The following CDH18 variants were observed in gnomAD, a reference collection of about 807,000 sequenced individuals.
CDH18 encodes cadherin-18.
Under a neutral mutation model 67.9 loss-of-function variants are expected in CDH18, and 31 were observed. The observed-to-expected ratio is 0.46, with a 90% CI of 0.34 to 0.62. CDH18 has a LOEUF of 0.62. Ranked by LOEUF, CDH18 falls within the 20% of genes least tolerant of loss-of-function variation. CDH18 has a pLI of 0.01. For missense variants in CDH18, 890 were observed against 975.5 expected (o/e 0.91, Z 1.17); for synonymous variants, 362 against 347.2 (o/e 1.04, Z -0.48).
chr5:20,313,261 C>A (rs1737157251), intron 1 of CDH18, among the ~76,000 whole-genome samples: 1 of 151,898 alleles, frequency 6.6e-6, no homozygotes, highest in African/African-American at 2.4e-5. Flanking sequence ...GAACAAAAAC[C>A]TTTTATTCTT....
intron 11 of CDH18, among the ~76,000 whole-genome samples, chr5:19,493,884 C>A (rs1460305097): frequency 2.0e-5 from 3 of 151,914 alleles, no homozygotes; most frequent in Non-Finnish European, 4.4e-5. Context: ...AACTTTTTGC[C>A]AAATGAATTT....
At chr5:20,068,035 T>C (rs888515748) in intron 2 of CDH18, among the ~76,000 whole-genome samples, 1 of 152,038 alleles carries the variant, frequency 6.6e-6, no homozygotes, top group Non-Finnish European at 1.5e-5. Context: ...TACCTTTTAT[T>C]ACAATTTATA....
intron 3 of CDH18, among the ~76,000 whole-genome samples, chr5:19,791,605 T>C (rs1776369667): frequency 6.6e-6 from 1 of 152,172 alleles, no homozygotes; most frequent in Non-Finnish European, 1.5e-5. Flanking sequence ...AGGTAACTTC[T>C]AGCAATATCA....
chr5:20,009,843 C>A (rs7706940), intron 2 of CDH18, among the ~76,000 whole-genome samples: 8,743 of 151,854 alleles, frequency 0.058, 597 homozygotes, highest in African/African-American at 0.16. Flanking sequence ...GTTTTCATGC[C>A]CCTAATACTC....
chr5:19,954,396 A>G (rs1320310227), intron 2 of CDH18, among the ~76,000 whole-genome samples: 1 of 152,098 alleles, frequency 6.6e-6, no homozygotes, highest in Non-Finnish European at 1.5e-5. Context: ...TATATTCAGG[A>G]CAAAAATTAA....
At chr5:20,421,825 A>G (rs950655597) in intron 1 of CDH18, among the ~76,000 whole-genome samples, 3 of 139,334 alleles carry the variant, frequency 2.2e-5, no homozygotes, top group East Asian at 2.3e-4. Flanking sequence ...GTATATATCA[A>G]TCATATATAT....
At chr5:20,458,547 G>T (rs990494553) in intron 1 of CDH18, among the ~76,000 whole-genome samples, 1 of 152,142 alleles carries the variant, frequency 6.6e-6, no homozygotes, top group Non-Finnish European at 1.5e-5. Flanking sequence ...CAACCCAGGA[G>T]ACCGAGTTTG....
At chr5:20,060,064 T>G (rs921482268) in intron 2 of CDH18, among the ~76,000 whole-genome samples, 2 of 152,064 alleles carry the variant, frequency 1.3e-5, no homozygotes, top group South Asian at 2.1e-4. Flanking sequence ...CCATGGCACG[T>G]GTATACTTGT....
At chr5:19,496,811 CAAAA>C (rs777601146) in intron 11 of CDH18, among the ~76,000 whole-genome samples, 2 of 75,204 alleles carry the variant, frequency 2.7e-5, no homozygotes, top group African/African-American at 5.1e-5. Context: ...GACTCCATCT[CAAAA>C]AAAAAAAAAA....
At chr5:19,923,948 C>T (rs1046484467) in intron 2 of CDH18, among the ~76,000 whole-genome samples, 3 of 152,140 alleles carry the variant, frequency 2.0e-5, no homozygotes, top group Non-Finnish European at 2.9e-5. Flanking sequence ...TGAGATGTGG[C>T]AATCAGAGGA....
intron 8 of CDH18, among the ~76,000 whole-genome samples, chr5:19,552,220 G>C (rs1361566712): frequency 6.6e-6 from 1 of 152,026 alleles, no homozygotes; most frequent in Non-Finnish European, 1.5e-5. Context: ...GGAAATAATT[G>C]TTTTCTCTTT....
At chr5:20,227,493 T>G (rs1322514649) in intron 2 of CDH18, among the ~76,000 whole-genome samples, 1 of 152,120 alleles carries the variant, frequency 6.6e-6, no homozygotes, top group Non-Finnish European at 1.5e-5. Flanking sequence ...GTATATGTCT[T>G]AATCTTTTCT....
intron 2 of CDH18, among the ~76,000 whole-genome samples, chr5:20,029,233 T>G (rs1373908717): frequency 6.6e-6 from 1 of 152,156 alleles, no homozygotes; most frequent in African/African-American, 2.4e-5. Context: ...TTAGTGCATA[T>G]TAGTACTGTT....
chr5:20,357,314 A>C (rs1442441819), intron 1 of CDH18, among the ~76,000 whole-genome samples: 2 of 152,174 alleles, frequency 1.3e-5, no homozygotes, highest in Non-Finnish European at 2.9e-5. Flanking sequence ...AAAATGCTAA[A>C]ATTGCAATTG....
chr5:20,312,912 T>A (rs2149992422), intron 1 of CDH18, among the ~76,000 whole-genome samples: 1 of 152,246 alleles, frequency 6.6e-6, no homozygotes, highest in South Asian at 2.1e-4. Flanking sequence ...TCTTATTTAT[T>A]TTTTATTTCT....
intron 5 of CDH18, among the ~76,000 whole-genome samples, chr5:19,653,062 A>T (rs905393761): frequency 1.3e-5 from 2 of 151,556 alleles, no homozygotes; most frequent in Non-Finnish European, 2.9e-5. Context: ...TTTTTTTTTC[A>T]GCTTCTGAAT....
intron 3 of CDH18, among the ~76,000 whole-genome samples, chr5:19,773,104 G>C (rs945819183): frequency 6.6e-6 from 1 of 151,912 alleles, no homozygotes; most frequent in Non-Finnish European, 1.5e-5. Context: ...GATAAATAAA[G>C]GGATTCTTAT....
chr5:19,816,323 T>G (rs921833770), intron 3 of CDH18, among the ~76,000 whole-genome samples: 2 of 151,858 alleles, frequency 1.3e-5, no homozygotes, highest in Non-Finnish European at 3.0e-5. Context: ...TAAGAAAGAC[T>G]GTTTAGTCAG....
At chr5:19,690,466 T>A (rs1337388740) in intron 5 of CDH18, among the ~76,000 whole-genome samples, 1 of 151,404 alleles carries the variant, frequency 6.6e-6, no homozygotes, top group Non-Finnish European at 1.5e-5. Context: ...AAGAATGAAA[T>A]GTAATAGAGA....
Sources: gnomAD v4.1 joint callset for allele counts (sites outside exome capture counted in the v4.1 genomes callset) on GRCh38, gnomAD v4.1.1 for gene constraint, MANE v1.5 for transcripts, NCBI Gene and HGNC (gene_info 2026-07-23, HGNC 2026-07-21) for gene names.